ZNF892: variants seen among roughly 807,000 people sequenced by gnomAD.
ZNF892 encodes zinc finger protein 892.
chr2:95,214,460 T>C, the ZNF892 span: 1 of 398,514 alleles, frequency 2.5e-6, no homozygotes. Context: ...GTGAGGATTC[T>C]TTAGAGAGTC....
the ZNF892 span, chr2:95,259,068 G>A: frequency 6.6e-6 from 1 of 152,170 alleles, no homozygotes; most frequent in Admixed American, 6.5e-5. Flanking sequence ...AACAAGGTCT[G>A]TTTGCAGGGA....
the ZNF892 span, among the ~76,000 whole-genome samples, chr2:95,226,085 G>A: frequency 2.6e-5 from 4 of 152,280 alleles, no homozygotes; most frequent in East Asian, 5.8e-4. Flanking sequence ...TCTAGGCCTA[G>A]TGGGGGACTT....
At chr2:95,208,312 A>G in the ZNF892 span, among the ~76,000 whole-genome samples, 5 of 152,220 alleles carry the variant, frequency 3.3e-5, no homozygotes, top group African/African-American at 1.2e-4. Flanking sequence ...GTCTTCGTTT[A>G]TCCTGTGAGC....
chr2:95,211,018 A>G, the ZNF892 span, among the ~76,000 whole-genome samples: 1 of 152,066 alleles, frequency 6.6e-6, no homozygotes, highest in East Asian at 1.9e-4. Flanking sequence ...AATGCCACCA[A>G]CTGGGGGACG....
chr2:95,236,448 A>T, the ZNF892 span, among the ~76,000 whole-genome samples: 11 of 152,230 alleles, frequency 7.2e-5, no homozygotes, highest in Non-Finnish European at 1.5e-4. Flanking sequence ...CAGTTATAAA[A>T]ACTACAATCA....
At chr2:95,241,218 C>A in the ZNF892 span, among the ~76,000 whole-genome samples, 1 of 152,188 alleles carries the variant, frequency 6.6e-6, no homozygotes, top group Non-Finnish European at 1.5e-5. Context: ...GGGTGAAACC[C>A]CCCCAACAAG....
At chr2:95,259,526 C>T in the ZNF892 span, 3 of 152,294 alleles carry the variant, frequency 2.0e-5, no homozygotes, top group African/African-American at 7.2e-5. Context: ...ACAGCCTGCT[C>T]ATCAGAATTA....
At chr2:95,233,498 C>T in the ZNF892 span, among the ~76,000 whole-genome samples, 7 of 151,102 alleles carry the variant, frequency 4.6e-5, no homozygotes, top group East Asian at 1.2e-3. Flanking sequence ...ACGGTGAAAC[C>T]GCATCTCTAC....
the ZNF892 span, among the ~76,000 whole-genome samples, chr2:95,245,460 G>GGGGC: frequency 1.5e-3 from 171 of 117,304 alleles, 14 homozygotes; most frequent in Middle Eastern, 4.1e-3. Context: ...CGGGGGGGGG[G>GGGGC]GGGTTTCACC....
At chr2:95,230,770 G>A in the ZNF892 span, among the ~76,000 whole-genome samples, 2 of 152,230 alleles carry the variant, frequency 1.3e-5, no homozygotes, top group East Asian at 3.9e-4. Context: ...ATGACTATGT[G>A]TTTTTAAAGC....
At chr2:95,241,372 G>A in the ZNF892 span, among the ~76,000 whole-genome samples, 1 of 152,122 alleles carries the variant, frequency 6.6e-6, no homozygotes, top group South Asian at 2.1e-4. Flanking sequence ...GGTTTGGAGT[G>A]GACCCCAGCA....
chr2:95,251,995 G>A, the ZNF892 span, among the ~76,000 whole-genome samples: 5 of 152,198 alleles, frequency 3.3e-5, no homozygotes, highest in Non-Finnish European at 7.3e-5. Flanking sequence ...GAAGGGACAA[G>A]GAAAAACCTT....
the ZNF892 span, among the ~76,000 whole-genome samples, chr2:95,221,858 G>A: frequency 6.6e-6 from 1 of 152,168 alleles, no homozygotes; most frequent in Non-Finnish European, 1.5e-5. Flanking sequence ...GTTTGACGAA[G>A]ATATTACCCT....
chr2:95,207,883 A>G, the ZNF892 span: 3 of 398,490 alleles, frequency 7.5e-6, no homozygotes, highest in Admixed American at 8.8e-5. Context: ...CAGAGGGAGA[A>G]AGGGAGAAAG....
the ZNF892 span, among the ~76,000 whole-genome samples, chr2:95,223,397 TG>T: frequency 1.5e-4 from 23 of 152,144 alleles, no homozygotes; most frequent in Admixed American, 2.6e-4. Context: ...GGGGTTTTTT[TG>T]GGGGGGAGGA....
chr2:95,234,935 A>C, the ZNF892 span, among the ~76,000 whole-genome samples: 1 of 152,196 alleles, frequency 6.6e-6, no homozygotes, highest in South Asian at 2.1e-4. Flanking sequence ...GTGGCTGGTT[A>C]GAAGGAGGGG....
chr2:95,229,598 T>A, the ZNF892 span, among the ~76,000 whole-genome samples: 1 of 152,222 alleles, frequency 6.6e-6, no homozygotes, highest in African/African-American at 2.4e-5. Flanking sequence ...TACCCCACAT[T>A]TTGTATGATT....
At chr2:95,231,455 G>A in the ZNF892 span, among the ~76,000 whole-genome samples, 4 of 152,184 alleles carry the variant, frequency 2.6e-5, no homozygotes, top group African/African-American at 9.7e-5. Context: ...TATCCTGATT[G>A]GGGTGTGCAT....
the ZNF892 span, chr2:95,215,348 A>T: frequency 2.2e-6 from 1 of 462,060 alleles, no homozygotes; most frequent in Non-Finnish European, 3.9e-6. Flanking sequence ...ATCAGAGAAC[A>T]CACACTGGAG....
Sources: allele counts gnomAD v4.1 joint callset (sites outside exome capture counted in the v4.1 genomes callset), GRCh38; gene constraint gnomAD v4.1.1; transcripts MANE v1.5; gene names NCBI Gene and HGNC (gene_info 2026-07-23, HGNC 2026-07-21).